The following MPRIP variants were observed in gnomAD, a reference collection of about 807,000 sequenced individuals.
The protein encoded by MPRIP is myosin phosphatase Rho-interacting protein.
A neutral mutation model predicts 234.9 loss-of-function variants in MPRIP; 59 were observed. The ratio of observed to expected loss-of-function variants is 0.25; its 90% CI spans 0.20 to 0.31. MPRIP has a LOEUF of 0.31. MPRIP is among the 10% of genes least tolerant of loss of function. The probability of loss-of-function intolerance (pLI) is 1.00; values close to 1 mark genes in which losing one functional copy is unlikely to be tolerated. For synonymous variants in MPRIP, 1,144 were observed against 1,263.9 expected (o/e 0.91, Z 2.01); for missense variants, 2,436 against 3,071.0 (o/e 0.79, Z 4.89).
chr17:17,183,852 T>C (rs1464192217), intron 23 of MPRIP, among the ~76,000 whole-genome samples: 1 of 152,214 alleles, frequency 6.6e-6, no homozygotes, highest in Non-Finnish European at 1.5e-5. Context: ...ACTGGTAGAA[T>C]CAGGCAGACC....
intron 3 of MPRIP, among the ~76,000 whole-genome samples, chr17:17,106,903 A>G (rs910674338): frequency 1.3e-5 from 2 of 152,250 alleles, no homozygotes; most frequent in Non-Finnish European, 2.9e-5. Context: ...GGAGAGAGGC[A>G]GATGAGAGCA....
chr17:17,123,819 G>T (rs2090441064), intron 3 of MPRIP, among the ~76,000 whole-genome samples: 1 of 151,434 alleles, frequency 6.6e-6, no homozygotes, highest in Non-Finnish European at 1.5e-5. Context: ...CATGGAAATA[G>T]ATTGGGCTCT....
At chr17:17,091,433 G>T (rs568887105) in intron 3 of MPRIP, among the ~76,000 whole-genome samples, 1 of 152,246 alleles carries the variant, frequency 6.6e-6, no homozygotes, top group East Asian at 1.9e-4. Context: ...ATCCCTCCCT[G>T]CCCGGATTGG....
At chr17:17,156,867 C>T (rs1208774426) in intron 13 of MPRIP, among the ~76,000 whole-genome samples, 2 of 152,238 alleles carry the variant, frequency 1.3e-5, no homozygotes, top group African/African-American at 4.8e-5. Context: ...AGCACTTTGC[C>T]TCTCACTCGA....
intron 3 of MPRIP, among the ~76,000 whole-genome samples, chr17:17,107,761 ATC>A (rs1452762578): frequency 6.6e-6 from 1 of 152,194 alleles, no homozygotes; most frequent in Non-Finnish European, 1.5e-5. Context: ...TTGAGTTCCC[ATC>A]TCTCTAGCTG....
intron 1 of MPRIP, among the ~76,000 whole-genome samples, chr17:17,058,714 C>T (rs868581912): frequency 2.0e-5 from 3 of 152,188 alleles, no homozygotes; most frequent in Admixed American, 6.5e-5. Flanking sequence ...GTTTCATTTC[C>T]AGATGGACCA....
At chr17:17,133,473 A>T (rs773288926) in intron 5 of MPRIP, among the ~76,000 whole-genome samples, 4 of 152,118 alleles carry the variant, frequency 2.6e-5, no homozygotes, top group Admixed American at 2.6e-4. Context: ...AGGCATTCTC[A>T]TGGCCTAGGG....
chr17:17,166,077 G>A lies in MPRIP; in HGVS notation c.4486G>A (p.Asp1496Asn). Reference sequence around the variant, plus strand: ...ATCTCTGCCTAGGGCCAGCCAGGAGGATGAGCAGGACGCACGCGCAGCCTC... The same window carrying A: ...ATCTCTGCCTAGGGCCAGCCAGGAGAATGAGCAGGACGCACGCGCAGCCTC... ...LRSLPRASQE[D>N]EQDARAASLA... Residue 1496 changes from aspartate to asparagine, a missense_variant, in exon 16 of 24, where the codon GAT becomes AAT. By Grantham distance (23) the Asp-to-Asn change is conservative. Coordinates refer to ENST00000651222, the MANE Select transcript of MPRIP (RefSeq NM_001364716.4). This position sits in a 1 kb window ranked among gnomAD's most constrained non-coding sequence, Gnocchi z 4.4. 7.7e-7 allele frequency: 1 copy of A among 1,300,614 alleles called. No homozygotes were observed. Among genetic ancestry groups the A allele is most frequent in the Non-Finnish European group, 1.0e-6 (1 of 986,452 alleles). 80.6% of individuals were successfully genotyped at this position (1,300,614 alleles called of 1,614,324 possible). A position where few individuals can be genotyped will look rare whatever the true frequency, so the allele number is the denominator to read the frequency against.
At chr17:17,083,517 C>T (rs2089514050) in intron 3 of MPRIP, among the ~76,000 whole-genome samples, 1 of 152,170 alleles carries the variant, frequency 6.6e-6, no homozygotes, top group South Asian at 2.1e-4. Context: ...CCAACGTTGC[C>T]TAGGCCTGTG....
At chr17:17,149,958 G>A in intron 11 of MPRIP, 186 bp from the exon 12 acceptor site, 1 of 549,718 alleles carries the variant, frequency 1.8e-6, no homozygotes, top group Non-Finnish European at 3.3e-6. Context: ...AGGGACAGAT[G>A]GTGGTGTGAT....
chr17:17,180,485 C>T (rs1356360080), intron 23 of MPRIP: 2 of 880,812 alleles, frequency 2.3e-6, no homozygotes, highest in Non-Finnish European at 1.9e-6. Flanking sequence ...AGCCAGGAAG[C>T]AGTACATCTT....
chr17:17,057,749 C>G, intron 1 of MPRIP: 1 of 715,504 alleles, frequency 1.4e-6, no homozygotes, highest in South Asian at 1.5e-5. Flanking sequence ...CACCCTGACC[C>G]CCACCCGCTG....
At chr17:17,159,244 G>C (rs992186541) in intron 14 of MPRIP, among the ~76,000 whole-genome samples, 1 of 152,258 alleles carries the variant, frequency 6.6e-6, no homozygotes, top group Non-Finnish European at 1.5e-5. Flanking sequence ...GAATTCTTCC[G>C]ATGGTGGGGG....
At chr17:17,093,252 G>C (rs975895156) in intron 3 of MPRIP, among the ~76,000 whole-genome samples, 1 of 152,170 alleles carries the variant, frequency 6.6e-6, no homozygotes, top group Non-Finnish European at 1.5e-5. Flanking sequence ...AAGGATCTTC[G>C]CATAGTCCCT....
chr17:17,132,685 C>T (rs1458871325), intron 5 of MPRIP, among the ~76,000 whole-genome samples: 1 of 152,242 alleles, frequency 6.6e-6, no homozygotes, highest in African/African-American at 2.4e-5. Context: ...ATTGGCCCTC[C>T]TGCTGATGGA....
intron 23 of MPRIP, among the ~76,000 whole-genome samples, chr17:17,180,350 G>T (rs1271616311): frequency 1.3e-5 from 2 of 152,240 alleles, no homozygotes; most frequent in Non-Finnish European, 2.9e-5. Flanking sequence ...CTGCCTCGAG[G>T]CCAGGTTTCA....
At chr17:17,155,343 C>T (rs1191791793) in intron 13 of MPRIP, among the ~76,000 whole-genome samples, 1 of 151,898 alleles carries the variant, frequency 6.6e-6, no homozygotes, top group African/African-American at 2.4e-5. Flanking sequence ...ACCTCCACCT[C>T]GTGGGTTCAA....
At chr17:17,122,398 G>C (rs2090407430) in intron 3 of MPRIP, among the ~76,000 whole-genome samples, 1 of 152,180 alleles carries the variant, frequency 6.6e-6, no homozygotes, top group Non-Finnish European at 1.5e-5. Flanking sequence ...CCATCACCCA[G>C]GCTGGAGTGC....
intron 3 of MPRIP, among the ~76,000 whole-genome samples, chr17:17,107,297 CAA>C (rs2090081660): frequency 6.6e-6 from 1 of 152,186 alleles, no homozygotes; most frequent in Non-Finnish European, 1.5e-5. Flanking sequence ...CTCCCAGTGA[CAA>C]AGTCACTGAA....
Sources: gnomAD v4.1 joint callset for allele counts (sites outside exome capture counted in the v4.1 genomes callset) on GRCh38, gnomAD v4.1.1 for gene constraint, Gnocchi (gnomAD v3.1) non-coding constraint, MANE v1.5 for transcripts, NCBI Gene and HGNC (gene_info 2026-07-23, HGNC 2026-07-21) for gene names.